Variants in DOP1B observed in about 807,000 individuals in gnomAD.
The protein encoded by DOP1B is DOP1 leucine zipper like protein B.
A neutral mutation model predicts 233.5 loss-of-function variants in DOP1B; 174 were observed. That is an observed-to-expected ratio of 0.75 (90% CI 0.66 to 0.85). The LOEUF (loss-of-function observed/expected upper bound fraction) is 0.85. DOP1B is among the 40% of genes least tolerant of loss of function. The pLI is 0.00. For missense variants in DOP1B, 2,652 were observed against 2,846.6 expected (o/e 0.93, Z 1.56); for synonymous variants, 1,190 against 1,185.6 (o/e 1.00, Z -0.08).
At chr21:36,178,706 G>C (rs998410156) in intron 2 of DOP1B, among the ~76,000 whole-genome samples, 1 of 152,160 alleles carries the variant, frequency 6.6e-6, no homozygotes, top group Non-Finnish European at 1.5e-5. Context: ...GCAACTGTTT[G>C]AACAGGAATA....
intron 1 of DOP1B, among the ~76,000 whole-genome samples, chr21:36,163,179 A>G (rs931532538): frequency 6.6e-6 from 1 of 151,982 alleles, no homozygotes; most frequent in Admixed American, 6.6e-5. Flanking sequence ...CCCCGTCTCT[A>G]CTAAAAATAC....
At chr21:36,287,278 C>T (rs1006011726) in intron 32 of DOP1B, among the ~76,000 whole-genome samples, 2 of 152,170 alleles carry the variant, frequency 1.3e-5, no homozygotes, top group Non-Finnish European at 2.9e-5. Flanking sequence ...GCTTCCCACC[C>T]ACCACCCTCA....
intron 18 of DOP1B, among the ~76,000 whole-genome samples, chr21:36,242,331 G>A (rs1005901547): frequency 1.4e-4 from 21 of 151,780 alleles, no homozygotes; most frequent in African/African-American, 5.1e-4. Flanking sequence ...GGCCACCACA[G>A]CCAACTAATT....
chr21:36,240,404 C>T (rs1431231300), intron 18 of DOP1B, among the ~76,000 whole-genome samples: 1 of 152,060 alleles, frequency 6.6e-6, no homozygotes, highest in Admixed American at 6.6e-5. Context: ...CTCTTGAACC[C>T]GGGAGGTAGA....
At chr21:36,271,030 A>G (rs2067282427) in intron 27 of DOP1B, among the ~76,000 whole-genome samples, 1 of 151,742 alleles carries the variant, frequency 6.6e-6, no homozygotes, top group African/African-American at 2.4e-5. Flanking sequence ...AAGAAAACAT[A>G]TATCAAAACA....
chr21:36,256,237 T>G (rs963991418), intron 23 of DOP1B, among the ~76,000 whole-genome samples: 4 of 152,076 alleles, frequency 2.6e-5, no homozygotes, highest in Non-Finnish European at 4.4e-5. Context: ...GTCCAGGAGT[T>G]CGAGACCAGC....
chr21:36,164,523 A>T, intron 1 of DOP1B, 185 bp from the exon 2 acceptor site: 2 of 363,786 alleles, frequency 5.5e-6, no homozygotes, highest in Non-Finnish European at 9.7e-6. Context: ...CGAGGGCGGG[A>T]ACTATTTATC....
intron 3 of DOP1B, among the ~76,000 whole-genome samples, chr21:36,199,667 A>G (rs2066337864): frequency 6.6e-6 from 1 of 151,596 alleles, no homozygotes; most frequent in Non-Finnish European, 1.5e-5. Flanking sequence ...ATCCCCACCT[A>G]TGAGTGAGAA....
At chr21:36,244,579 C>A (rs2066932575) in intron 18 of DOP1B, among the ~76,000 whole-genome samples, 2 of 152,052 alleles carry the variant, frequency 1.3e-5, no homozygotes, top group South Asian at 2.1e-4. Flanking sequence ...CACCTGCCAC[C>A]ACGCCCAGCT....
chr21:36,271,338 A>C (rs1332206068), intron 27 of DOP1B, among the ~76,000 whole-genome samples: 1 of 144,606 alleles, frequency 6.9e-6, no homozygotes, highest in Non-Finnish European at 1.5e-5. Flanking sequence ...CAGTGGCGTC[A>C]TCTTGGCTCA....
chr21:36,242,803 A>AT (rs1273695744), intron 18 of DOP1B, among the ~76,000 whole-genome samples: 3 of 152,078 alleles, frequency 2.0e-5, no homozygotes, highest in Non-Finnish European at 4.4e-5. Context: ...GTAGAAATCT[A>AT]TTTTTAAAAT....
At chr21:36,260,551 T>C in intron 23 of DOP1B, 126 bp from the exon 24 acceptor site, 2 of 1,263,108 alleles carry the variant, frequency 1.6e-6, no homozygotes, top group Non-Finnish European at 2.2e-6. Flanking sequence ...TGTTGTTATA[T>C]CTGAAAGATT....
At chr21:36,202,112 G>C (rs1290930435) in intron 4 of DOP1B, among the ~76,000 whole-genome samples, 2 of 152,074 alleles carry the variant, frequency 1.3e-5, no homozygotes, top group Non-Finnish European at 2.9e-5. Context: ...GCTTGAGCCT[G>C]CGAGGTGAAG....
chr21:36,216,657 T>A (rs188304507), intron 9 of DOP1B, among the ~76,000 whole-genome samples: 2 of 152,248 alleles, frequency 1.3e-5, no homozygotes. Flanking sequence ...AAGGTCTGCA[T>A]CTGCTTATGT....
At chr21:36,158,961 C>G (rs1489251316) in intron 1 of DOP1B, among the ~76,000 whole-genome samples, 1 of 150,642 alleles carries the variant, frequency 6.6e-6, no homozygotes, top group Non-Finnish European at 1.5e-5. Context: ...AACTCTGTCT[C>G]TACCAAAAAT....
chr21:36,227,296 C>T (rs530325287), intron 12 of DOP1B, among the ~76,000 whole-genome samples: 3 of 151,890 alleles, frequency 2.0e-5, no homozygotes, highest in East Asian at 1.9e-4. Context: ...GCCTGTAATT[C>T]CAGCACTTTG....
At position 36,194,365 on chromosome 21, in the gene DOP1B, A is replaced by G. The variant is rs79416760; in HGVS notation, c.139-4705A>G. On this transcript the variant is annotated intron_variant, in intron 2 of 36. Transcript: ENST00000691173. ...AAGCTTACCTCTCTGATGGGTGAAG[A>G]AAATGATATTTCACTGTTATATTAA... Among the ~76,000 whole-genome samples the G allele has an allele frequency of 7.7e-3, 1,179 of 152,298 alleles. 21 individuals carry two copies. The highest frequency in any genetic ancestry group is 0.027 in the African/African-American group (1,113 of 41,552).
intron 26 of DOP1B, 136 bp downstream of exon 26, chr21:36,263,950 T>C: frequency 1.1e-6 from 1 of 909,606 alleles, no homozygotes; most frequent in Non-Finnish European, 1.7e-6. Flanking sequence ...TCTCAAGTCT[T>C]ACTTCTGCCA....
At chr21:36,185,588 G>A (rs2066155374) in intron 2 of DOP1B, among the ~76,000 whole-genome samples, 1 of 152,178 alleles carries the variant, frequency 6.6e-6, no homozygotes, top group African/African-American at 2.4e-5. Flanking sequence ...TTTCAGGTCG[G>A]CCAGCGCCTT....
Sources: allele counts gnomAD v4.1 joint callset (sites outside exome capture counted in the v4.1 genomes callset), GRCh38; gene constraint gnomAD v4.1.1; transcripts MANE v1.5; gene names NCBI Gene and HGNC (gene_info 2026-07-23, HGNC 2026-07-21).